Variants in DLG2 observed in about 807,000 individuals in gnomAD.
The protein encoded by DLG2 is disks large homolog 2.
In DLG2, 45 loss-of-function variants were observed where a neutral mutation model predicts 132.5. The ratio of observed to expected loss-of-function variants is 0.34; its 90% CI spans 0.27 to 0.44. The LOEUF (loss-of-function observed/expected upper bound fraction) is 0.44, where lower values mean the gene tolerates loss of function less well. DLG2 is among the 20% of genes least tolerant of loss of function. The pLI, the probability that DLG2 is intolerant of heterozygous loss-of-function variation, is 1.00. For synonymous variants in DLG2, 424 were observed against 419.6 expected, an observed-to-expected ratio of 1.01 and a Z score of -0.13; for missense variants, 1,045 against 1,196.9, an observed-to-expected ratio of 0.87 and a Z score of 1.87.
At chr11:85,151,551 G>A (rs185611317) in intron 5 of DLG2, among the ~76,000 whole-genome samples, 30 of 152,068 alleles carry the variant, frequency 2.0e-4, no homozygotes, top group East Asian at 1.9e-4. Flanking sequence ...AATCCATCTC[G>A]AGTTAATTTT....
chr11:84,806,970 C>T (rs971566275), intron 6 of DLG2, among the ~76,000 whole-genome samples: 12 of 152,200 alleles, frequency 7.9e-5, no homozygotes, highest in African/African-American at 2.4e-4. Context: ...AGTACACTGT[C>T]ATATATAATG....
intron 11 of DLG2, among the ~76,000 whole-genome samples, chr11:83,996,850 G>T (rs1223524274): frequency 6.6e-6 from 1 of 152,130 alleles, no homozygotes; most frequent in Non-Finnish European, 1.5e-5. Context: ...CTTGGTGGGG[G>T]AAGTAGGGAT....
At chr11:83,658,113 T>G (rs2153537852) in intron 18 of DLG2, among the ~76,000 whole-genome samples, 1 of 152,354 alleles carries the variant, frequency 6.6e-6, no homozygotes, top group Non-Finnish European at 1.5e-5. Flanking sequence ...TATTAGCTAC[T>G]TCTATTACTA....
chr11:85,243,722 C>A (rs930803548), intron 4 of DLG2, among the ~76,000 whole-genome samples: 7 of 151,968 alleles, frequency 4.6e-5, no homozygotes, highest in African/African-American at 1.7e-4. Flanking sequence ...AAGACAGAAG[C>A]AGACCCTGGA....
chr11:83,682,800 T>A (rs1326053114), intron 18 of DLG2, among the ~76,000 whole-genome samples: 5 of 152,106 alleles, frequency 3.3e-5, no homozygotes, highest in African/African-American at 1.2e-4. Flanking sequence ...AGAGACTAAA[T>A]GGCTTTATTT....
chr11:84,177,744 A>G (rs1170882826), intron 8 of DLG2, among the ~76,000 whole-genome samples: 3 of 152,164 alleles, frequency 2.0e-5, no homozygotes, highest in African/African-American at 7.2e-5. Flanking sequence ...TGAATATCAT[A>G]GGATTGTGAA....
chr11:83,938,569 CA>C (rs1406293631), intron 14 of DLG2, among the ~76,000 whole-genome samples: 7 of 151,950 alleles, frequency 4.6e-5, no homozygotes, highest in Non-Finnish European at 7.4e-5. Context: ...TTATGGAAGA[CA>C]GTGTTCTTCC....
At chr11:84,578,681 CCTTGT>C (rs1396630395) in intron 6 of DLG2, among the ~76,000 whole-genome samples, 1 of 152,090 alleles carries the variant, frequency 6.6e-6, no homozygotes. Flanking sequence ...AAGGGACTTG[CCTTGT>C]CTCAGATGAG....
intron 3 of DLG2, among the ~76,000 whole-genome samples, chr11:85,419,275 T>C (rs886992770): frequency 5.3e-5 from 8 of 152,166 alleles, no homozygotes; most frequent in African/African-American, 1.4e-4. Flanking sequence ...GCTTGTAGGG[T>C]TTCTTAAGAG....
intron 6 of DLG2, among the ~76,000 whole-genome samples, chr11:84,793,853 AT>A (rs1356689691): frequency 6.6e-6 from 1 of 152,196 alleles, no homozygotes; most frequent in Admixed American, 6.5e-5. Context: ...GCATTCAGCC[AT>A]TCTATGTCTT....
intron 6 of DLG2, among the ~76,000 whole-genome samples, chr11:84,968,621 T>C (rs879226456): frequency 1.3e-5 from 2 of 152,208 alleles, no homozygotes; most frequent in Non-Finnish European, 2.9e-5. Context: ...TTATGGAAAT[T>C]AACCAAAAAT....
At chr11:84,512,298 G>C (rs541459477) in intron 7 of DLG2, among the ~76,000 whole-genome samples, 1 of 152,170 alleles carries the variant, frequency 6.6e-6, no homozygotes, top group East Asian at 1.9e-4. Flanking sequence ...AGATTTCTGA[G>C]TAAACAATGT....
At chr11:84,593,036 T>C (rs933363720) in intron 6 of DLG2, among the ~76,000 whole-genome samples, 1 of 143,496 alleles carries the variant, frequency 7.0e-6, no homozygotes, top group African/African-American at 2.6e-5. Context: ...GGAGAATCAC[T>C]TGAACCCAGG....
At chr11:84,316,348 G>C (rs2098355196) in intron 7 of DLG2, among the ~76,000 whole-genome samples, 1 of 151,918 alleles carries the variant, frequency 6.6e-6, no homozygotes, top group African/African-American at 2.4e-5. Flanking sequence ...TAACTGAAAA[G>C]GCATACAGTA....
Position 84,813,034 on chromosome 11 carries a change from G to A in DLG2, c.358-278303C>T, listed in dbSNP as rs929279869. 2.0e-5 allele frequency among the ~76,000 whole-genome samples: 3 copies of A among 152,194 alleles called. No homozygotes were observed. The South Asian group carries it at 6.2e-4, about 32-fold the overall frequency. ...CAGTTACATCAATCTCATTCTTGAT[G>A]TTTAATAGGAAGGCTGTTTATCCTT... is the stretch of plus-strand genomic sequence containing the variant. On this transcript the variant is annotated intron_variant, in intron 6 of 27. Transcript: ENST00000376104.
chr11:84,592,314 G>A (rs1271859870), intron 6 of DLG2, among the ~76,000 whole-genome samples: 1 of 152,158 alleles, frequency 6.6e-6, no homozygotes, highest in African/African-American at 2.4e-5. Context: ...ATTAAAGTAT[G>A]AGCAATGAGA....
intron 7 of DLG2, among the ~76,000 whole-genome samples, chr11:84,262,718 ATT>A (rs1231895419): frequency 6.6e-6 from 1 of 151,888 alleles, no homozygotes. Flanking sequence ...CCACTGCAAC[ATT>A]CTTAGGCCTT....
intron 3 of DLG2, among the ~76,000 whole-genome samples, chr11:85,585,334 G>C (rs536352526): frequency 6.6e-6 from 1 of 152,110 alleles, no homozygotes; most frequent in Admixed American, 6.6e-5. Context: ...TTATTTCTGG[G>C]TTCTCTGTTC....
At chr11:84,960,995 A>G (rs562205323) in intron 6 of DLG2, among the ~76,000 whole-genome samples, 1 of 152,286 alleles carries the variant, frequency 6.6e-6, no homozygotes, top group East Asian at 1.9e-4. Context: ...TTCAATATTT[A>G]TAAAGCAATG....
Sources: allele counts gnomAD v4.1 joint callset (sites outside exome capture counted in the v4.1 genomes callset), GRCh38; gene constraint gnomAD v4.1.1; transcripts MANE v1.5; gene names NCBI Gene and HGNC (gene_info 2026-07-23, HGNC 2026-07-21).